The following PRMT2 variants were observed in gnomAD, a reference collection of about 807,000 sequenced individuals.
PRMT2 encodes protein arginine methyltransferase 2.
A neutral mutation model predicts 57.6 loss-of-function variants in PRMT2; 26 were observed. The observed-to-expected ratio is 0.45, with a 90% confidence interval of 0.33 to 0.63. The LOEUF (loss-of-function observed/expected upper bound fraction) is 0.63, where lower values mean the gene tolerates loss of function less well. Among genes scored for constraint, PRMT2 ranks in the 20% least tolerant of loss-of-function variants. PRMT2 has a pLI of 0.02. For missense variants in PRMT2, 472 were observed against 564.4 expected, an observed-to-expected ratio of 0.84 and a Z score of 1.66; for synonymous variants, 219 against 220.0, an observed-to-expected ratio of 1.00 and a Z score of 0.04.
intron 4 of PRMT2, 136 bp downstream of exon 4, chr21:46,643,775 G>A: frequency 9.0e-7 from 1 of 1,110,630 alleles, no homozygotes; most frequent in Non-Finnish European, 1.2e-6. Context: ...ACCTGTGTGT[G>A]AAGCTCACAG....
Position 46,649,598 on chromosome 21 carries a change from G to A in PRMT2, c.513G>A (p.Glu171=). 3 of 1,614,118 alleles carry A rather than the reference G, an allele frequency of 1.9e-6. No homozygotes were observed. The highest frequency in any genetic ancestry group is 2.5e-6 in the Non-Finnish European group (3 of 1,180,040). The change falls in exon 7 of 12, where the codon GAG becomes GAA. Residue 171 remains glutamate (E), a synonymous_variant. Transcript: ENST00000355680. This position sits in a 1 kb window ranked among gnomAD's most constrained non-coding sequence, Gnocchi z 4.8. Reference sequence around the variant, plus strand: ...AGGTGTACGCGGTGGAGGCCAGTGAGATGGCACAGCACACGGGGCAGCTGG... The same window carrying A: ...AGGTGTACGCGGTGGAGGCCAGTGAAATGGCACAGCACACGGGGCAGCTGG... The part of the protein sequence containing the change: ...PRAVYAVEAS[E]MAQHTGQLVL...
At chr21:46,653,620 C>CA in intron 7 of PRMT2, 1 of 1,182,032 alleles carries the variant, frequency 8.5e-7, no homozygotes, top group South Asian at 1.7e-5. Flanking sequence ...GCTTGATGTT[C>CA]ATGTTTTATG....
rs1445234410 is a variant in PRMT2, at chr21:46,664,992, T to C, written c.*665T>C. 3 of 152,442 alleles carry C rather than the reference T, an allele frequency of 2.0e-5. No homozygotes were observed. The highest frequency in any genetic ancestry group is 4.8e-5 in the African/African-American group (2 of 41,466). 9.4% of individuals were successfully genotyped at this position (152,442 alleles called of 1,614,324 possible). A position where few individuals can be genotyped will look rare whatever the true frequency, so the allele number is the denominator to read the frequency against. On this transcript the variant is annotated 3_prime_UTR_variant, in exon 12 of 12. Transcript: ENST00000355680. Reference sequence around the variant, plus strand: ...TATGCATATATGTTATTTTTTGTAATTACAGGATCATACTATATGCATTGC... The same window carrying C: ...TATGCATATATGTTATTTTTTGTAACTACAGGATCATACTATATGCATTGC...
chr21:46,637,991 A>G (rs898098305), intron 3 of PRMT2, among the ~76,000 whole-genome samples: 3 of 152,162 alleles, frequency 2.0e-5, no homozygotes, highest in Non-Finnish European at 4.4e-5. Context: ...GACACTCTAG[A>G]TAAAGTTTGT....
intron 10 of PRMT2, among the ~76,000 whole-genome samples, chr21:46,662,545 C>T (rs567043443): frequency 1.2e-4 from 18 of 152,286 alleles, no homozygotes; most frequent in African/African-American, 2.6e-4. Context: ...CCTGTGGTGG[C>T]CCCTCCAGTG....
At position 46,649,758 on chromosome 21, in the gene PRMT2, G is replaced by A. The variant is rs375195970; in HGVS notation, c.654+19G>A. ...CCTGCTGGTGAGGGCGGGCGTGCGG[G>A]CAGCTGGGGGCCGGAGCTGGGGGGC... On this transcript the variant is annotated intron_variant, in intron 7 of 11. Coordinates refer to ENST00000355680, the MANE Select transcript of PRMT2 (RefSeq NM_206962.4). The surrounding 1 kb of genome is among the most constrained non-coding windows in gnomAD (Gnocchi z 4.8). 17 of 1,607,194 alleles carry A rather than the reference G, an allele frequency of 1.1e-5. No individual in the cohort carries two copies. The highest frequency in any genetic ancestry group is 2.7e-5 in the African/African-American group (2 of 74,828).
intron 7 of PRMT2, among the ~76,000 whole-genome samples, chr21:46,651,188 T>A (rs2061444235): frequency 6.9e-6 from 1 of 144,598 alleles, no homozygotes; most frequent in Admixed American, 7.0e-5. Flanking sequence ...ATTGTCAGGA[T>A]GCAGGAGCCA....
At position 46,648,059 on chromosome 21, in the gene PRMT2, T is replaced by C. The variant is rs1337871342; in HGVS notation, c.328-399T>C. 6.6e-6 allele frequency among the ~76,000 whole-genome samples: 1 copy of C among 152,332 alleles called. No individual in the cohort carries two copies. The highest frequency in any genetic ancestry group is 1.5e-5 in the Non-Finnish European group (1 of 68,030). The stretch of plus-strand genomic sequence containing the variant: ...TATCATTTTGTTGTGCTTTCTCCTT[T>C]AGTAGGTACTGCATGGAATGTTTAT... On this transcript the variant is annotated intron_variant, in intron 5 of 11. Coordinates refer to ENST00000355680, the MANE Select transcript of PRMT2 (RefSeq NM_206962.4). This position sits in a 1 kb window ranked among gnomAD's most constrained non-coding sequence, Gnocchi z 4.8.
At chr21:46,650,102 C>T (rs1418138743) in intron 7 of PRMT2, among the ~76,000 whole-genome samples, 1 of 152,170 alleles carries the variant, frequency 6.6e-6, no homozygotes. Context: ...TAGACTGGCC[C>T]CAGTGATGCT....
intron 7 of PRMT2, chr21:46,652,270 A>G: frequency 7.5e-7 from 1 of 1,329,782 alleles, no homozygotes; most frequent in Non-Finnish European, 9.6e-7. Flanking sequence ...AGGTTTTTCT[A>G]AGAACCAAGT....
In PRMT2 at chr21:46,649,921, T is replaced by G. The variant is rs984900249; in HGVS notation, c.654+182T>G. On this transcript the variant is annotated intron_variant, in intron 7 of 11. Transcript: ENST00000355680. The surrounding 1 kb of genome is among the most constrained non-coding windows in gnomAD (Gnocchi z 4.8). ...TCAGTGTCTTGAATTTTCACCTGAT[T>G]TAAAAAATGCCTTTATGAGAAATTT... The G allele has an allele frequency of 6.9e-7, 1 of 1,450,958 alleles. No individual in the cohort carries two copies. Among genetic ancestry groups the G allele is most frequent in the African/African-American group, 1.4e-5 (1 of 69,894 alleles). The allele number at this position is 1,450,958 out of a possible 1,614,324, so 89.9% of individuals were successfully genotyped here. A position where few individuals can be genotyped will look rare whatever the true frequency, so the allele number is the denominator to read the frequency against.
At chr21:46,657,800 A>G (rs1220501347) in intron 7 of PRMT2, 2 of 152,206 alleles carry the variant, frequency 1.3e-5, no homozygotes, top group African/African-American at 4.8e-5. Flanking sequence ...GTTTCACTAC[A>G]TAACTGAAAA....
In PRMT2 at chr21:46,664,621, GAGC is replaced by G; in HGVS notation, c.*295_*297del. The G allele has an allele frequency of 5.9e-6, 3 of 510,868 alleles. No individual in the cohort carries two copies. The South Asian group carries it at 6.8e-5, about 12-fold the overall frequency. 31.6% of individuals were successfully genotyped at this position (510,868 alleles called of 1,614,324 possible). On this transcript the variant is annotated 3_prime_UTR_variant, in exon 12 of 12. Coordinates refer to ENST00000355680, the MANE Select transcript of PRMT2 (RefSeq NM_206962.4). ...ACAGTGCCGACCCGTGGCTGGGTCG[GAGC>G]TCCATGTTCCTAAGCTAGGTCTAGG... is the stretch of plus-strand genomic sequence containing the variant.
intron 7 of PRMT2, among the ~76,000 whole-genome samples, chr21:46,656,064 A>G (rs117530130): frequency 0.07 from 10,654 of 152,138 alleles, 538 homozygotes; most frequent in Non-Finnish European, 0.1. Flanking sequence ...TGTTTGGGTC[A>G]TGGGTGTGGA....
At chr21:46,663,280 C>A in intron 10 of PRMT2, 103 bp from the exon 11 acceptor site, 2 of 1,159,186 alleles carry the variant, frequency 1.7e-6, no homozygotes, top group East Asian at 2.5e-5. Context: ...TGTGTGGGTG[C>A]TGTTGGGGGC....
intron 3 of PRMT2, among the ~76,000 whole-genome samples, chr21:46,638,560 G>A (rs146092935): frequency 3.3e-4 from 50 of 152,338 alleles, no homozygotes; most frequent in Admixed American, 9.1e-4. Flanking sequence ...TCCCCACAAT[G>A]ACTTTACGAG....
chr21:46,652,115 G>C, intron 7 of PRMT2: 1 of 1,489,240 alleles, frequency 6.7e-7, no homozygotes, highest in South Asian at 1.3e-5. Flanking sequence ...TTCAGAGATG[G>C]TGCTGGAACG....
Position 46,649,580 on chromosome 21 carries a change from C to G in PRMT2, c.495C>G (p.Tyr165Ter). The change falls in exon 7 of 12, where the codon TAC (tyrosine) becomes TAG (stop). Residue 165 changes from tyrosine to a stop codon, truncating the protein, a stop_gained. Transcript: ENST00000355680. LOFTEE classifies it high-confidence loss of function. This position sits in a 1 kb window ranked among gnomAD's most constrained non-coding sequence, Gnocchi z 4.8. ...CGGTGCCTCTGCTGCTGCAGGTGTA[C>G]GCGGTGGAGGCCAGTGAGATGGCAC... The part of the protein sequence containing the change: ...CAHYARPRAV[Y>*]AVEASEMAQH... The G allele has an allele frequency of 1.2e-6, 2 of 1,614,010 alleles. No individual in the cohort carries two copies. The highest frequency in any genetic ancestry group is 2.2e-5 in the South Asian group (2 of 91,066).
At position 46,664,367 on chromosome 21, in the gene PRMT2, A is replaced by G. The variant is rs1422106363; in HGVS notation, c.*40A>G. 1.2e-6 allele frequency: 2 copies of G among 1,613,860 alleles called. No homozygotes were observed. Among genetic ancestry groups the G allele is most frequent in the South Asian group, 2.2e-5 (2 of 91,084 alleles). On this transcript the variant is annotated 3_prime_UTR_variant, in exon 12 of 12. Coordinates refer to ENST00000355680, the MANE Select transcript of PRMT2 (RefSeq NM_206962.4). ...TTTGGAAAGCAGTGTGCATATCTTG[A>G]GGGGTGATGAACACAAGCAAACCAA...
Sources: allele counts gnomAD v4.1 joint callset (sites outside exome capture counted in the v4.1 genomes callset), GRCh38; gene constraint gnomAD v4.1.1; non-coding constraint Gnocchi (gnomAD v3.1); transcripts MANE v1.5; gene names NCBI Gene and HGNC (gene_info 2026-07-23, HGNC 2026-07-21).